Variants in ZNF682 observed in about 807,000 individuals in gnomAD.
The protein encoded by ZNF682 is zinc finger protein 682.
ZNF682 carries 29 observed loss-of-function variants against 36.5 expected under a neutral mutation model. The ratio of observed to expected loss-of-function variants is 0.80; its 90% CI spans 0.59 to 1.08. The LOEUF (loss-of-function observed/expected upper bound fraction) is 1.08, where lower values mean the gene tolerates loss of function less well. ZNF682 is among the 50% of genes least tolerant of loss of function. The probability of loss-of-function intolerance (pLI) is 0.00; values close to 1 mark genes in which losing one functional copy is unlikely to be tolerated. For synonymous variants in ZNF682, 180 were observed against 197.0 expected, an observed-to-expected ratio of 0.91 and a Z score of 0.72; for missense variants, 561 against 579.7, an observed-to-expected ratio of 0.97 and a Z score of 0.33.
At chr19:20,027,824 G>A (rs541601266) in intron 1 of ZNF682, among the ~76,000 whole-genome samples, 3 of 151,510 alleles carry the variant, frequency 2.0e-5, no homozygotes, top group Non-Finnish European at 2.9e-5. Context: ...TGAGTCAGGA[G>A]AATCACTTGA....
chr19:20,024,003 A>T (rs181163558), intron 2 of ZNF682, among the ~76,000 whole-genome samples: 1 of 152,220 alleles, frequency 6.6e-6, no homozygotes, highest in East Asian at 1.9e-4. Context: ...AAAATAAAAT[A>T]AAAAAATAGA....
In ZNF682 at chr19:20,039,392, G is replaced by A; in HGVS notation, c.-47C>T. ...TGGAGTCTTAGCTCTGGATCTCACA[G>A]CATCTGCAAGTCAGAGGGCAACAGA... On this transcript the variant is annotated 5_prime_UTR_variant, in exon 1 of 4. Transcript: ENST00000397165. 1 of 1,608,768 alleles carries A rather than the reference G, an allele frequency of 6.2e-7. No individual in the cohort carries two copies. The highest frequency in any genetic ancestry group is 1.1e-5 in the South Asian group (1 of 91,008).
chr19:20,014,745 A>G (rs1396198199), intron 3 of ZNF682, among the ~76,000 whole-genome samples: 2 of 150,660 alleles, frequency 1.3e-5, no homozygotes, highest in Non-Finnish European at 2.9e-5. Context: ...GCGCCACTGC[A>G]TTCCAGCCTG....
chr19:20,024,848 A>T (rs890910222), intron 1 of ZNF682, among the ~76,000 whole-genome samples: 1 of 152,210 alleles, frequency 6.6e-6, no homozygotes, highest in African/African-American at 2.4e-5. Flanking sequence ...GAATCCACAA[A>T]ACCAATGTAG....
intron 1 of ZNF682, among the ~76,000 whole-genome samples, chr19:20,028,203 TG>T (rs2088448407): frequency 6.6e-6 from 1 of 151,978 alleles, no homozygotes; most frequent in Admixed American, 6.6e-5. Context: ...CAGACTAATT[TG>T]ATTCTGCAGG....
chr19:20,003,872 GT>G (rs1389879264), downstream of ZNF682, among the ~76,000 whole-genome samples: 1 of 152,174 alleles, frequency 6.6e-6, no homozygotes, highest in Non-Finnish European at 1.5e-5. Context: ...GAGGTTTCCA[GT>G]TTGGTAGTAA....
At position 20,026,269 on chromosome 19, in the gene ZNF682, C is replaced by T. The variant is rs940331871; in HGVS notation, c.4-1893G>A. On this transcript the variant is annotated intron_variant, in intron 1 of 3. Transcript: ENST00000397165. ...AGTGAGCCGAGATCGCGCCACTGCA[C>T]TCCAGCCTGGGCGACAGAGCGAGGC... Among the ~76,000 whole-genome samples the T allele has an allele frequency of 3.3e-5, 5 of 151,224 alleles. No homozygotes were observed. The South Asian group carries it at 8.5e-4, about 26-fold the overall frequency.
intron 1 of ZNF682, among the ~76,000 whole-genome samples, chr19:20,028,693 A>G (rs1238154358): frequency 6.6e-6 from 1 of 152,126 alleles, no homozygotes; most frequent in Non-Finnish European, 1.5e-5. Flanking sequence ...ACCACCAATC[A>G]CTATTCTAAA....
At chr19:20,000,504 C>T (rs1015885756), downstream of ZNF682, among the ~76,000 whole-genome samples, 2 of 152,222 alleles carry the variant, frequency 1.3e-5, no homozygotes, top group African/African-American at 4.8e-5. Flanking sequence ...CACCACCCCC[C>T]ACTGCCATGT....
chr19:20,029,279 C>G (rs1023365915), intron 1 of ZNF682, among the ~76,000 whole-genome samples: 1 of 151,122 alleles, frequency 6.6e-6, no homozygotes, highest in African/African-American at 2.4e-5. Context: ...CCGCACCCAG[C>G]CTTTCTTTTG....
chr19:20,028,048 T>A (rs562461994), intron 1 of ZNF682, among the ~76,000 whole-genome samples: 33 of 152,292 alleles, frequency 2.2e-4, no homozygotes, highest in African/African-American at 6.7e-4. Flanking sequence ...CAGGCCAACA[T>A]AATCCGTCGA....
chr19:20,015,353 AAC>A (rs1263559611), intron 3 of ZNF682: 7 of 985,152 alleles, frequency 7.1e-6, no homozygotes, highest in African/African-American at 5.2e-5. Flanking sequence ...TATTCAGTCA[AAC>A]ACAGAGATAA....
chr19:20,036,814 GAAAAAAAAAAA>G, intron 1 of ZNF682, among the ~76,000 whole-genome samples: 1 of 19,900 alleles, frequency 5.0e-5, no homozygotes, highest in South Asian at 2.3e-3. Flanking sequence ...AAAAAAAAAA[GAAAAAAAAAAA>G]AAAAAAAAAA....
At chr19:19,999,893 G>A (rs923093050), downstream of ZNF682, among the ~76,000 whole-genome samples, 1 of 152,196 alleles carries the variant, frequency 6.6e-6, no homozygotes, top group Admixed American at 6.5e-5. Flanking sequence ...CTAGGAGGTA[G>A]ATGCTAGCAT....
chr19:20,037,285 G>A (rs191677575), intron 1 of ZNF682, among the ~76,000 whole-genome samples: 2 of 152,228 alleles, frequency 1.3e-5, no homozygotes, highest in Non-Finnish European at 2.9e-5. Flanking sequence ...GCAGGGTTAC[G>A]GAAGGACTGG....
intron 3 of ZNF682, among the ~76,000 whole-genome samples, chr19:20,020,920 G>C (rs1273050016): frequency 1.3e-5 from 2 of 151,450 alleles, no homozygotes; most frequent in African/African-American, 2.4e-5. Context: ...TGGGGAAAAT[G>C]GGAAGATGTT....
chr19:20,023,875 A>G (rs2088409064), intron 2 of ZNF682, among the ~76,000 whole-genome samples: 1 of 151,984 alleles, frequency 6.6e-6, no homozygotes, highest in Non-Finnish European at 1.5e-5. Flanking sequence ...CCAGCTACTC[A>G]GGAGGCTAAG....
At chr19:20,035,329 A>G (rs2088518911) in intron 1 of ZNF682, among the ~76,000 whole-genome samples, 1 of 151,944 alleles carries the variant, frequency 6.6e-6, no homozygotes, top group Admixed American at 6.6e-5. Context: ...TGTTTCAAGC[A>G]ATTCTCCTGC....
chr19:20,017,616 A>G (rs1334307101), intron 3 of ZNF682, among the ~76,000 whole-genome samples: 1 of 152,190 alleles, frequency 6.6e-6, no homozygotes, highest in Non-Finnish European at 1.5e-5. Flanking sequence ...ATAATTATAG[A>G]TTTCACGGCC....
Sources: gnomAD v4.1 joint callset for allele counts (sites outside exome capture counted in the v4.1 genomes callset) on GRCh38, gnomAD v4.1.1 for gene constraint, MANE v1.5 for transcripts, NCBI Gene and HGNC (gene_info 2026-07-23, HGNC 2026-07-21) for gene names.